CPNE1: variants seen among roughly 807,000 people sequenced by gnomAD.
The protein encoded by CPNE1 is copine 1.
A neutral mutation model predicts 63.2 loss-of-function variants in CPNE1; 58 were observed. That is an observed-to-expected ratio of 0.92 (90% CI 0.74 to 1.14). CPNE1 has a LOEUF of 1.14. CPNE1 is among the 50% of genes most tolerant of loss of function. CPNE1 has a pLI of 0.00. For synonymous variants in CPNE1, 237 were observed against 249.0 expected, an observed-to-expected ratio of 0.95 and a Z score of 0.45; for missense variants, 672 against 661.7, an observed-to-expected ratio of 1.02 and a Z score of -0.17.
chr20:35,639,064 G>C (rs2032650517), intron 1 of CPNE1, among the ~76,000 whole-genome samples: 1 of 149,666 alleles, frequency 6.7e-6, no homozygotes, highest in Non-Finnish European at 1.5e-5. Context: ...GGAACACTGA[G>C]TGTACACATC....
chr20:35,639,336 G>GTCATAAT (rs2032669632), intron 1 of CPNE1, among the ~76,000 whole-genome samples: 1 of 151,966 alleles, frequency 6.6e-6, no homozygotes, highest in Non-Finnish European at 1.5e-5. Flanking sequence ...AAATGTTGGG[G>GTCATAAT]AAACTATTAT....
At position 35,656,384 on chromosome 20, in the gene CPNE1, T is replaced by C. The variant is rs73277203; in HGVS notation, c.-1+8376A>G. On this transcript the variant is annotated intron_variant, in intron 1 of 15. Coordinates refer to ENST00000397443, the MANE Select transcript of CPNE1 (RefSeq NM_152925.3). ...AATGTTCCCCTCAAATTTCAGTATT[T>C]CAGTTCCAAAGGCTTCTAAGAGCAA... 5.8e-3 allele frequency among the ~76,000 whole-genome samples: 887 copies of C among 152,290 alleles called. 8 individuals carry two copies. Among genetic ancestry groups the C allele is most frequent in the African/African-American group, 0.02 (834 of 41,546 alleles).
In CPNE1 at chr20:35,632,299, T is replaced by G. The variant is rs750367000; in HGVS notation, c.384+12A>C. ...TGTTAAGTCCCTCCTCAACCCTTGC[T>G]GGGTTCCTTACCGTGATGGTCCCCC... On this transcript the variant is annotated intron_variant, in intron 4 of 15. Transcript: ENST00000397443. The G allele has an allele frequency of 1.2e-6, 2 of 1,613,852 alleles. No individual in the cohort carries two copies. The highest frequency in any genetic ancestry group is 1.7e-6 in the Non-Finnish European group (2 of 1,179,728).
At chr20:35,657,465 TGAG>T (rs911687426) in intron 1 of CPNE1, among the ~76,000 whole-genome samples, 2 of 151,056 alleles carry the variant, frequency 1.3e-5, no homozygotes, top group Non-Finnish European at 3.0e-5. Flanking sequence ...CAAAACAACT[TGAG>T]AGAGAGAGAG....
chr20:35,633,058 G>A, intron 1 of CPNE1, 135 bp from the exon 2 acceptor site: 1 of 688,132 alleles, frequency 1.5e-6, no homozygotes, highest in South Asian at 1.8e-5. Context: ...GACACCCAAG[G>A]AAGAGAAGGC....
chr20:35,654,722 G>C (rs755691830), intron 1 of CPNE1: 55 of 1,613,490 alleles, frequency 3.4e-5, no homozygotes, highest in Non-Finnish European at 4.7e-5. Context: ...GATGGCATTG[G>C]TGGCAGAGAT....
At chr20:35,630,004 C>T (rs1224151542) in intron 13 of CPNE1, among the ~76,000 whole-genome samples, 1 of 152,188 alleles carries the variant, frequency 6.6e-6, no homozygotes, top group South Asian at 2.1e-4. Flanking sequence ...CTAAAATCCA[C>T]CCTCTGGGTC....
At chr20:35,655,022 T>C (rs890972480) in intron 1 of CPNE1, 1 of 1,614,174 alleles carries the variant, frequency 6.2e-7, no homozygotes, top group African/African-American at 1.3e-5. Flanking sequence ...CTACTGGCAT[T>C]TGCTGGTGGT....
intron 1 of CPNE1, chr20:35,658,802 A>AAC (rs10542710): frequency 0.13 from 58,919 of 471,204 alleles, 1,474 homozygotes; most frequent in South Asian, 0.25. Context: ...AGCAAACAAA[A>AAC]ACACACACAC....
At chr20:35,654,043 T>C (rs1230078864) in intron 1 of CPNE1, 1 of 1,614,202 alleles carries the variant, frequency 6.2e-7, no homozygotes, top group East Asian at 2.2e-5. Context: ...AAAACCAGCC[T>C]CATGTGGTGA....
intron 1 of CPNE1, among the ~76,000 whole-genome samples, chr20:35,647,826 G>A (rs2146326636): frequency 6.6e-6 from 1 of 151,804 alleles, no homozygotes; most frequent in Middle Eastern, 3.4e-3. Context: ...AGGCCGAGGT[G>A]GGCGGATCAT....
intron 13 of CPNE1, 90 bp from the exon 14 acceptor site, chr20:35,627,503 T>A: frequency 2.2e-6 from 3 of 1,348,220 alleles, no homozygotes; most frequent in Non-Finnish European, 3.0e-6. Flanking sequence ...CCAGGAGATC[T>A]CGGAACCTGG....
intron 1 of CPNE1, chr20:35,652,302 T>C (rs1196621493): frequency 1.4e-5 from 7 of 494,126 alleles, no homozygotes; most frequent in Non-Finnish European, 2.5e-5. Flanking sequence ...GCCAAAATCA[T>C]TTATGTGTTC....
chr20:35,630,913 T>C lies in CPNE1; in HGVS notation c.983A>G (p.Gln328Arg), dbSNP rs532357764. Residue 328 changes from glutamine to arginine, a missense_variant, in exon 11 of 16, where the codon CAG becomes CGG. Coordinates refer to ENST00000397443, the MANE Select transcript of CPNE1 (RefSeq NM_152925.3). The part of the protein sequence containing the change: ...MALWSVGSVV[Q>R]DYDSDKLFPA... ...AGCAGGTACTCACGAGTCATAGTCCTGAACCACGCTGCCCACACTCCACAG... is the reference window on the plus strand; with the variant it reads ...AGCAGGTACTCACGAGTCATAGTCCCGAACCACGCTGCCCACACTCCACAG... The C allele has an allele frequency of 2.1e-4, 345 of 1,609,310 alleles. 3 individuals are homozygous for C. The South Asian group carries it at 3.4e-3, about 16-fold the overall frequency.
intron 1 of CPNE1, among the ~76,000 whole-genome samples, chr20:35,639,722 GGGT>G (rs2032696533): frequency 1.3e-5 from 2 of 152,176 alleles, no homozygotes; most frequent in African/African-American, 4.8e-5. Flanking sequence ...TGATTATTTG[GGGT>G]GGTAAGATTA....
intron 1 of CPNE1, among the ~76,000 whole-genome samples, chr20:35,644,016 CCTTA>C (rs1300744426): frequency 2.0e-5 from 3 of 152,186 alleles, no homozygotes; most frequent in East Asian, 3.9e-4. Flanking sequence ...TTTGTTTTCC[CCTTA>C]CTATTAATTA....
chr20:35,655,525 G>A (rs940817073), intron 1 of CPNE1, among the ~76,000 whole-genome samples: 7 of 151,856 alleles, frequency 4.6e-5, no homozygotes, highest in Middle Eastern at 3.2e-3. Flanking sequence ...AATGTAAAAC[G>A]TAGACAATTT....
chr20:35,627,263 C>T lies in CPNE1; in HGVS notation c.1236+17G>A, dbSNP rs1478773111. 6.2e-7 allele frequency: 1 copy of T among 1,607,174 alleles called. No individual in the cohort carries two copies. The highest frequency in any genetic ancestry group is 2.2e-5 in the East Asian group (1 of 44,708). On this transcript the variant is annotated intron_variant, in intron 14 of 15. Transcript: ENST00000397443. ...CCCTTGATTGCCACCACTGCCACTG[C>T]CACCCACGACTCTCACCGAGGCAGT... is the stretch of plus-strand genomic sequence containing the variant.
intron 1 of CPNE1, chr20:35,654,749 G>T: frequency 6.2e-7 from 1 of 1,613,820 alleles, no homozygotes; most frequent in Non-Finnish European, 8.5e-7. Flanking sequence ...GCTGGAATTG[G>T]AGGAATTGGT....
Sources: gnomAD v4.1 joint callset for allele counts (sites outside exome capture counted in the v4.1 genomes callset) on GRCh38, gnomAD v4.1.1 for gene constraint, MANE v1.5 for transcripts, NCBI Gene and HGNC (gene_info 2026-07-23, HGNC 2026-07-21) for gene names.